REPS2: variants seen among roughly 807,000 people sequenced by gnomAD.
The protein encoded by REPS2 is ralBP1-associated Eps domain-containing protein 2.
REPS2 carries 23 observed loss-of-function variants against 53.6 expected under a neutral mutation model. The observed-to-expected ratio is 0.43, with a 90% confidence interval of 0.31 to 0.61. The LOEUF is 0.61. Ranked by LOEUF, REPS2 falls within the 20% of genes least tolerant of loss-of-function variation. The pLI is 0.11. For synonymous variants in REPS2, 238 were observed against 218.6 expected, an observed-to-expected ratio of 1.09 and a Z score of -0.78; for missense variants, 446 against 534.9, an observed-to-expected ratio of 0.83 and a Z score of 1.64.
At chrX:17,092,171 A>T (rs1179319626) in intron 13 of REPS2, among the ~76,000 whole-genome samples, 8 of 111,635 alleles carry the variant, frequency 7.2e-5, no homozygotes, top group Non-Finnish European at 1.3e-4. Flanking sequence ...CTTTATTTCC[A>T]CTCAATAAGT....
At chrX:17,190,335 A>G in the REPS2 span, among the ~76,000 whole-genome samples, 3 of 112,448 alleles carry the variant, frequency 2.7e-5, no homozygotes, top group Admixed American at 2.8e-4. Flanking sequence ...ATTTCTATAT[A>G]CTAGCAATAA....
At chrX:17,055,181 C>T (rs2062051557) in intron 8 of REPS2, among the ~76,000 whole-genome samples, 1 of 79,175 alleles carries the variant, frequency 1.3e-5, no homozygotes, top group Non-Finnish European at 2.4e-5. Context: ...GTCCTTCGCC[C>T]ACTTTTTGAT....
chrX:17,024,972 C>A (rs1465156287), intron 3 of REPS2, 87 bp from the exon 4 acceptor site: 2 of 1,167,318 alleles, frequency 1.7e-6, no homozygotes, highest in African/African-American at 3.5e-5. Flanking sequence ...GGGTCACCAG[C>A]AGTAGAGTTG....
At position 16,953,000 on chromosome X, in the gene REPS2, G is replaced by A. The variant is rs912053307; in HGVS notation, c.273+5866G>A. Among the ~76,000 whole-genome samples the A allele has an allele frequency of 5.9e-4, 65 of 109,690 alleles. 1 individual carries two copies. Among genetic ancestry groups the A allele is most frequent in the African/African-American group, 2.1e-3 (63 of 30,095 alleles). ...AATTAGCAGGAGAATTGCTTGAACC[G>A]GAGAGGCGAAGGTTGCAGTGAGCTG... On this transcript the variant is annotated intron_variant, in intron 1 of 17. Transcript: ENST00000357277.
intron 14 of REPS2, among the ~76,000 whole-genome samples, chrX:17,122,183 C>T (rs1259267143): frequency 1.8e-5 from 2 of 111,486 alleles, no homozygotes; most frequent in Non-Finnish European, 3.8e-5. Flanking sequence ...TTACTAGCAC[C>T]CCAGAAGCCC....
At chrX:16,987,919 C>T (rs775228827) in intron 1 of REPS2, among the ~76,000 whole-genome samples, 3 of 110,896 alleles carry the variant, frequency 2.7e-5, no homozygotes, top group African/African-American at 6.6e-5. Flanking sequence ...TGTTTTTCAG[C>T]GTTGTGCTAG....
intron 13 of REPS2, among the ~76,000 whole-genome samples, chrX:17,101,970 C>T (rs764498827): frequency 9.0e-6 from 1 of 111,495 alleles, no homozygotes; most frequent in Non-Finnish European, 1.9e-5. Flanking sequence ...TTTTAACACA[C>T]GTTAATACAA....
At chrX:17,067,587 T>G (rs1019338315) in intron 9 of REPS2, among the ~76,000 whole-genome samples, 3 of 112,258 alleles carry the variant, frequency 2.7e-5, no homozygotes, top group African/African-American at 9.7e-5. Flanking sequence ...ATTTGGGTAT[T>G]CATATTAGTG....
At chrX:17,164,692 A>G in the REPS2 span, among the ~76,000 whole-genome samples, 1 of 111,475 alleles carries the variant, frequency 9.0e-6, no homozygotes, top group African/African-American at 3.2e-5. Context: ...TACCTACATT[A>G]AAAAGGAGAA....
At chrX:16,984,715 C>T (rs972718337) in intron 1 of REPS2, among the ~76,000 whole-genome samples, 27 of 111,274 alleles carry the variant, frequency 2.4e-4, no homozygotes, top group Admixed American at 1.5e-3. Flanking sequence ...AAATAAAGGC[C>T]GTGGTACAGA....
In REPS2 at chrX:17,023,427, CAA is replaced by C. The variant is rs11304206; in HGVS notation, c.546+1170_546+1171del. Among the ~76,000 whole-genome samples the C allele has an allele frequency of 4.9e-3, 427 of 86,577 alleles. 2 individuals carry two copies. The highest frequency in any genetic ancestry group is 0.012 in the African/African-American group (275 of 23,608). 75.2% of individuals were successfully genotyped at this position (86,577 alleles called of 115,157 possible). A position where few individuals can be genotyped will look rare whatever the true frequency, so the allele number is the denominator to read the frequency against. On this transcript the variant is annotated intron_variant, in intron 3 of 17. Coordinates refer to ENST00000357277, the MANE Select transcript of REPS2 (RefSeq NM_004726.3). ...TGGGCCACAGAGCAAGACTGTGTCT[CAA>C]AAAAAAAAAAAAAGGAACACTCGAA... is the stretch of plus-strand genomic sequence containing the variant.
chrX:17,137,738 C>G (rs1269994816), intron 16 of REPS2: 1 of 111,732 alleles, frequency 8.9e-6, no homozygotes, highest in Non-Finnish European at 1.9e-5. Flanking sequence ...TCCTGAGTAG[C>G]TGGAACTACA....
At chrX:17,125,064 A>C (rs755190214) in intron 14 of REPS2, among the ~76,000 whole-genome samples, 1 of 110,171 alleles carries the variant, frequency 9.1e-6, no homozygotes, top group African/African-American at 3.3e-5. Flanking sequence ...GGGTTTCATC[A>C]TGTTGGTAGG....
chrX:17,012,679 T>C lies in REPS2; in HGVS notation c.397+6335T>C, dbSNP rs148944342. 4.9e-3 allele frequency among the ~76,000 whole-genome samples: 549 copies of C among 111,285 alleles called. 5 individuals are homozygous for C. The highest frequency in any genetic ancestry group is 0.016 in the African/African-American group (501 of 30,571). On this transcript the variant is annotated intron_variant, in intron 2 of 17. Transcript: ENST00000357277. ...GGGCTGTGTTCCCCAAACTGGTTTA[T>C]GGTCTGGTTGCAGTCTGGCACAGTT...
At chrX:17,067,607 C>T (rs2062242211) in intron 9 of REPS2, among the ~76,000 whole-genome samples, 1 of 111,940 alleles carries the variant, frequency 8.9e-6, no homozygotes, top group African/African-American at 3.2e-5. Flanking sequence ...GTGAGGACTT[C>T]CCCCCTGTTT....
chrX:17,065,586 T>C (rs766293480), intron 9 of REPS2, among the ~76,000 whole-genome samples: 47 of 111,541 alleles, frequency 4.2e-4, no homozygotes, highest in Non-Finnish European at 8.1e-4. Context: ...TGTTTGTTTT[T>C]TTGTTTTGTT....
intron 1 of REPS2, among the ~76,000 whole-genome samples, chrX:16,994,380 TAC>T (rs746612136): frequency 4.9e-4 from 53 of 109,187 alleles, no homozygotes; most frequent in East Asian, 1.7e-3. Context: ...TACATATATA[TAC>T]ACACACGTAC....
chrX:17,184,541 C>T, the REPS2 span, among the ~76,000 whole-genome samples: 2 of 108,473 alleles, frequency 1.8e-5, no homozygotes, highest in Non-Finnish European at 3.8e-5. Flanking sequence ...TGGGTATATA[C>T]CCAGTAATGG....
intron 2 of REPS2, among the ~76,000 whole-genome samples, chrX:17,010,174 G>C (rs1221075283): frequency 8.9e-6 from 1 of 111,984 alleles, no homozygotes; most frequent in Non-Finnish European, 1.9e-5. Flanking sequence ...TAGAGAGTCA[G>C]ATTTATTTAT....
Sources: gnomAD v4.1 joint callset for allele counts (sites outside exome capture counted in the v4.1 genomes callset) on GRCh38, gnomAD v4.1.1 for gene constraint, MANE v1.5 for transcripts, NCBI Gene and HGNC (gene_info 2026-07-23, HGNC 2026-07-21) for gene names.